PPP2R2A: variants seen among roughly 807,000 people sequenced by gnomAD.
PPP2R2A encodes the protein protein phosphatase 2 regulatory subunit Balpha, also known as serine/threonine-protein phosphatase 2A 55 kDa regulatory subunit B alpha isoform.
A neutral mutation model predicts 53.2 loss-of-function variants in PPP2R2A; 9 were observed. The observed-to-expected ratio is 0.17, with a 90% CI of 0.10 to 0.30. The LOEUF (loss-of-function observed/expected upper bound fraction) is 0.30. Among genes scored for constraint, PPP2R2A ranks in the 10% least tolerant of loss-of-function variants. The pLI, the probability that PPP2R2A is intolerant of heterozygous loss-of-function variation, is 1.00. For synonymous variants in PPP2R2A, 169 were observed against 174.2 expected (o/e 0.97, Z 0.23); for missense variants, 235 against 534.6 (o/e 0.44, Z 5.53).
rs1194090071 is a variant in PPP2R2A at position 26,371,778 on chromosome 8, T to C, written c.*1365T>C. 6 of 152,362 alleles carry C rather than the reference T, an allele frequency of 3.9e-5. No homozygotes were observed. Among genetic ancestry groups the C allele is most frequent in the African/African-American group, 1.2e-4 (5 of 41,594 alleles). 9.4% of individuals were successfully genotyped at this position (152,362 alleles called of 1,614,324 possible). On this transcript the variant is annotated 3_prime_UTR_variant, in exon 10 of 10. Transcript: ENST00000380737. ...CCAACAGCTGCCTCAAATAAAAATC[T>C]GTATATGAATACATTTTCCCTAAGC...
chr8:26,336,286 T>C (rs1803653565), intron 2 of PPP2R2A, among the ~76,000 whole-genome samples: 2 of 151,950 alleles, frequency 1.3e-5, no homozygotes, highest in Non-Finnish European at 2.9e-5. Flanking sequence ...AAAATTAGAC[T>C]GGCATGGTGG....
intron 3 of PPP2R2A, among the ~76,000 whole-genome samples, chr8:26,342,107 C>T: frequency 6.6e-6 from 1 of 152,226 alleles, no homozygotes; most frequent in East Asian, 1.9e-4. Flanking sequence ...ATTGTTATAA[C>T]TAATATATTT....
intron 6 of PPP2R2A, among the ~76,000 whole-genome samples, chr8:26,361,415 T>A (rs1805076822): frequency 6.6e-6 from 1 of 152,190 alleles, no homozygotes; most frequent in African/African-American, 2.4e-5. Flanking sequence ...AATAGGATTA[T>A]TTTTTATAAT....
At chr8:26,350,386 A>G (rs538699759) in intron 3 of PPP2R2A, among the ~76,000 whole-genome samples, 1 of 152,130 alleles carries the variant, frequency 6.6e-6, no homozygotes, top group African/African-American at 2.4e-5. Context: ...TGTGATTCAC[A>G]TTGAGATTGA....
intron 2 of PPP2R2A, among the ~76,000 whole-genome samples, chr8:26,323,172 T>A (rs924828566): frequency 3.3e-5 from 5 of 152,360 alleles, no homozygotes; most frequent in South Asian, 4.1e-4. Flanking sequence ...GTCATGTGAC[T>A]TTAAATGTTT....
chr8:26,305,076 C>T (rs1801954757), intron 2 of PPP2R2A, among the ~76,000 whole-genome samples: 1 of 152,088 alleles, frequency 6.6e-6, no homozygotes, highest in African/African-American at 2.4e-5. Context: ...TAACTCCCTT[C>T]TTCCCCTCCC....
chr8:26,293,510 G>A lies in PPP2R2A; in HGVS notation c.8-156G>A. On this transcript the variant is annotated intron_variant, in intron 1 of 9. Transcript: ENST00000380737. ...TTCTAATGCAGTACCAAGTATTGGGGACTAACCTCTTTCCAAACTGGTGCT... is the reference window on the plus strand; with the variant it reads ...TTCTAATGCAGTACCAAGTATTGGGAACTAACCTCTTTCCAAACTGGTGCT... The A allele has an allele frequency of 6.8e-6, 5 of 737,278 alleles. No individual in the cohort carries two copies. The South Asian group carries it at 9.9e-5, about 15-fold the overall frequency. The allele number at this position is 737,278 out of a possible 1,614,324, so 45.7% of individuals were successfully genotyped here.
chr8:26,364,369 G>C (rs1437696063), intron 8 of PPP2R2A, among the ~76,000 whole-genome samples: 1 of 152,210 alleles, frequency 6.6e-6, no homozygotes, highest in Non-Finnish European at 1.5e-5. Flanking sequence ...GAAAGGGCTT[G>C]AAAGCCTTAG....
intron 3 of PPP2R2A, among the ~76,000 whole-genome samples, chr8:26,347,106 G>A (rs926037716): frequency 2.0e-5 from 3 of 152,106 alleles, no homozygotes; most frequent in Non-Finnish European, 2.9e-5. Flanking sequence ...TGAAGAAAAC[G>A]TGATCCAGGG....
At chr8:26,329,373 T>C (rs1803254965) in intron 2 of PPP2R2A, among the ~76,000 whole-genome samples, 1 of 152,250 alleles carries the variant, frequency 6.6e-6, no homozygotes. Flanking sequence ...TCCTGTCTTC[T>C]ACTACCTTTT....
At chr8:26,329,839 T>A (rs368304317) in intron 2 of PPP2R2A, among the ~76,000 whole-genome samples, 1 of 152,328 alleles carries the variant, frequency 6.6e-6, no homozygotes, top group East Asian at 1.9e-4. Context: ...GGATTTTTTT[T>A]ACAAAGAATT....
intron 7 of PPP2R2A, chr8:26,363,210 T>TA (rs57711660): frequency 0.29 from 36,425 of 126,470 alleles, 5,393 homozygotes; most frequent in Non-Finnish European, 0.36. Context: ...TTCCTTGGCT[T>TA]AAAAAAAAAA....
intron 3 of PPP2R2A, among the ~76,000 whole-genome samples, chr8:26,341,086 A>G (rs1159367749): frequency 2.0e-5 from 3 of 152,262 alleles, no homozygotes; most frequent in South Asian, 2.1e-4. Context: ...TAAGAATTCT[A>G]GATGGAGAGT....
At chr8:26,355,067 C>T (rs1368691555) in intron 4 of PPP2R2A, among the ~76,000 whole-genome samples, 1 of 152,140 alleles carries the variant, frequency 6.6e-6, no homozygotes, top group Admixed American at 6.5e-5. Flanking sequence ...TTAATTTATT[C>T]CTCCTTTTTA....
chr8:26,325,104 G>T (rs545599332), intron 2 of PPP2R2A, among the ~76,000 whole-genome samples: 12 of 151,268 alleles, frequency 7.9e-5, no homozygotes, highest in South Asian at 4.2e-4. Flanking sequence ...GGCATGATTG[G>T]TTTTAAAATG....
At chr8:26,303,676 T>A (rs1801887414) in intron 2 of PPP2R2A, among the ~76,000 whole-genome samples, 1 of 152,356 alleles carries the variant, frequency 6.6e-6, no homozygotes, top group Admixed American at 6.5e-5. Context: ...TTTTTGTGGC[T>A]GTTTTCTACT....
intron 2 of PPP2R2A, among the ~76,000 whole-genome samples, chr8:26,306,475 GAA>G (rs35167661): frequency 0.036 from 3,922 of 108,244 alleles, 81 homozygotes; most frequent in African/African-American, 0.076. Flanking sequence ...GACTCTGTCT[GAA>G]AAAAAAAAAA....
At chr8:26,310,310 A>G (rs1431160312) in intron 2 of PPP2R2A, among the ~76,000 whole-genome samples, 1 of 120,832 alleles carries the variant, frequency 8.3e-6, no homozygotes, top group African/African-American at 3.1e-5. Flanking sequence ...CACAGTGTCT[A>G]TGAAGCACAA....
intron 3 of PPP2R2A, among the ~76,000 whole-genome samples, chr8:26,339,640 A>T (rs965516201): frequency 1.3e-5 from 2 of 152,092 alleles, no homozygotes; most frequent in Admixed American, 6.6e-5. Context: ...TTTTTGCTAA[A>T]CAAAATTTGT....
Sources: allele counts gnomAD v4.1 joint callset (sites outside exome capture counted in the v4.1 genomes callset), GRCh38; gene constraint gnomAD v4.1.1; transcripts MANE v1.5; gene names NCBI Gene and HGNC (gene_info 2026-07-23, HGNC 2026-07-21).